The following MICAL2 variants were observed in gnomAD, a reference collection of about 807,000 sequenced individuals.
The protein encoded by MICAL2 is [F-actin]-monooxygenase MICAL2.
In MICAL2, 77 loss-of-function variants were observed where a neutral mutation model predicts 127.3. The observed-to-expected ratio is 0.60, with a 90% CI of 0.50 to 0.73. The LOEUF is 0.73. Ranked by LOEUF, MICAL2 falls within the 30% of genes least tolerant of loss-of-function variation. The pLI is 0.00. For missense variants in MICAL2, 1,351 were observed against 1,434.4 expected, an observed-to-expected ratio of 0.94 and a Z score of 0.94; for synonymous variants, 570 against 551.1, an observed-to-expected ratio of 1.03 and a Z score of -0.48.
chr11:12,186,642 A>C (rs1285411151), intron 3 of MICAL2, among the ~76,000 whole-genome samples: 1 of 152,198 alleles, frequency 6.6e-6, no homozygotes, highest in East Asian at 1.9e-4. Flanking sequence ...CAGTTTACCC[A>C]GCTGCAAAAC....
At position 12,223,450 on chromosome 11, in the gene MICAL2, C is replaced by T; in HGVS notation, c.1489C>T (p.Pro497Ser). 6.2e-7 allele frequency: 1 copy of T among 1,613,998 alleles called. No individual in the cohort carries two copies. Among genetic ancestry groups the T allele is most frequent in the Non-Finnish European group, 8.5e-7 (1 of 1,179,976 alleles). The change falls in exon 12 of 28, where the codon CCT (proline) becomes TCT (serine). Residue 497 changes from proline to serine, a missense_variant. Pro to Ser is a moderately conservative substitution (Grantham distance 74, BLOSUM62 -1). Around this residue, in one of 2 missense-constraint regions of MICAL2, gnomAD observed 599 missense variants for 714.9 expected, o/e 0.84. Coordinates refer to ENST00000683283, the MANE Select transcript of MICAL2 (RefSeq NM_001282663.2). ...TATCACTAAGGAGCTGGAGCACTACCCTCTCGAGAGACTGGGCTCGGTGAG... is the reference window on the plus strand; with the variant it reads ...TATCACTAAGGAGCTGGAGCACTACTCTCTCGAGAGACTGGGCTCGGTGAG... ...LYITKELEHY[P>S]LERLGSVRRS...
At chr11:12,332,046 G>A (rs1167820808) in intron 32 of MICAL2, among the ~76,000 whole-genome samples, 1 of 152,078 alleles carries the variant, frequency 6.6e-6, no homozygotes, top group Non-Finnish European at 1.5e-5. Context: ...AGGACTCATT[G>A]TTATCACTCC....
At chr11:12,255,885 G>A in intron 23 of MICAL2, 135 bp downstream of exon 23, 1 of 652,780 alleles carries the variant, frequency 1.5e-6, no homozygotes, top group East Asian at 2.8e-5. Context: ...GGCTGAGAAT[G>A]AGCTGAATCA....
chr11:12,261,810 T>C, intron 26 of MICAL2: 2 of 985,696 alleles, frequency 2.0e-6, no homozygotes, highest in Non-Finnish European at 2.4e-6. Flanking sequence ...CTCAGTCCGA[T>C]GACTTGCATT....
chr11:12,128,206 T>A (rs1851108125), intron 1 of MICAL2, among the ~76,000 whole-genome samples: 2 of 152,232 alleles, frequency 1.3e-5, no homozygotes, highest in African/African-American at 4.8e-5. Flanking sequence ...AGGTGAATAC[T>A]AGTTAAAAGT....
intron 2 of MICAL2, among the ~76,000 whole-genome samples, chr11:12,145,536 T>C (rs1328016989): frequency 6.6e-6 from 1 of 152,170 alleles, no homozygotes; most frequent in Non-Finnish European, 1.5e-5. Context: ...TGGCCCAATG[T>C]CCTATGCTTG....
At chr11:12,185,105 G>A (rs1403079285) in intron 3 of MICAL2, among the ~76,000 whole-genome samples, 28 of 4,062 alleles carry the variant, frequency 6.9e-3, no homozygotes, top group Non-Finnish European at 0.012. Context: ...GGATGGATAG[G>A]TGGGTGGGTG....
chr11:12,201,718 C>T (rs1353112520), intron 3 of MICAL2, among the ~76,000 whole-genome samples: 1 of 152,208 alleles, frequency 6.6e-6, no homozygotes, highest in Non-Finnish European at 1.5e-5. Flanking sequence ...ATGCAGTGTC[C>T]ATTGAGGACC....
At chr11:12,267,914 A>G (rs981659294), downstream of MICAL2, among the ~76,000 whole-genome samples, 22 of 152,166 alleles carry the variant, frequency 1.4e-4, no homozygotes, top group Non-Finnish European at 4.4e-5. Context: ...TTTAGAATTT[A>G]TGTCTCACTG....
intron 14 of MICAL2, among the ~76,000 whole-genome samples, chr11:12,226,792 A>G (rs1487662880): frequency 2.0e-5 from 3 of 151,422 alleles, no homozygotes; most frequent in Admixed American, 1.3e-4. Flanking sequence ...AGCTGGGACT[A>G]CAGGTGCCTA....
In MICAL2 at chr11:12,163,544, G is replaced by T. The variant is rs573076513; in HGVS notation, c.264+1125G>T. 1.9e-3 allele frequency: 292 copies of T among 152,444 alleles called. 2 individuals carry two copies. Among genetic ancestry groups the T allele is most frequent in the Non-Finnish European group, 2.8e-3 (191 of 68,102 alleles). 9.4% of individuals were successfully genotyped at this position (152,444 alleles called of 1,614,324 possible). A position where few individuals can be genotyped will look rare whatever the true frequency, so the allele number is the denominator to read the frequency against. On this transcript the variant is annotated intron_variant, in intron 3 of 27. Transcript: ENST00000683283. ...ACAGCTGCCAAGCTCCTGTGAGCCTGGGGCACACTGACACTGCGGGACGTA... is the reference window on the plus strand; with the variant it reads ...ACAGCTGCCAAGCTCCTGTGAGCCTTGGGCACACTGACACTGCGGGACGTA...
intron 1 of MICAL2, among the ~76,000 whole-genome samples, chr11:12,278,552 A>C (rs75435581): frequency 0.011 from 1,618 of 152,348 alleles, 21 homozygotes; most frequent in African/African-American, 0.037. Flanking sequence ...CATGACTGTA[A>C]TTCAAAGAAT....
intron 1 of MICAL2, among the ~76,000 whole-genome samples, chr11:12,121,945 T>A (rs1410295724): frequency 6.6e-6 from 1 of 152,236 alleles, no homozygotes; most frequent in East Asian, 1.9e-4. Flanking sequence ...GGCACTGAAA[T>A]GGGCTTGCTT....
intron 13 of MICAL2, among the ~76,000 whole-genome samples, chr11:12,225,089 C>CCATCACCA (rs1479779485): frequency 3.3e-5 from 5 of 149,558 alleles, no homozygotes; most frequent in Admixed American, 3.3e-4. Context: ...CCCCCGAGCC[C>CCATCACCA]CATCACCACA....
chr11:12,323,948 CAT>C, intron 30 of MICAL2: 1 of 1,583,850 alleles, frequency 6.3e-7, no homozygotes, highest in East Asian at 2.2e-5. Context: ...TTTTCTCTGA[CAT>C]AATTTTTTTC....
intron 8 of MICAL2, 159 bp downstream of exon 8, chr11:12,216,478 A>G (rs2306728): frequency 0.87 from 537,785 of 620,192 alleles, 234,410 homozygotes; most frequent in South Asian, 0.9. Context: ...TTACATGAGT[A>G]TTGGATAAAG....
At chr11:12,349,324 T>C (rs974269281) in intron 32 of MICAL2, among the ~76,000 whole-genome samples, 1 of 152,166 alleles carries the variant, frequency 6.6e-6, no homozygotes. Flanking sequence ...TTGGCTTTTC[T>C]TTGTTCAAAA....
chr11:12,352,053 G>C (rs1025301812), intron 33 of MICAL2, among the ~76,000 whole-genome samples: 1 of 152,138 alleles, frequency 6.6e-6, no homozygotes, highest in Non-Finnish European at 1.5e-5. Flanking sequence ...CTCCCAAAGT[G>C]CTGGAATTAC....
At chr11:12,224,561 C>T (rs912216906) in intron 12 of MICAL2, 112 bp from the exon 13 acceptor site, 4 of 1,461,048 alleles carry the variant, frequency 2.7e-6, no homozygotes, top group Non-Finnish European at 3.7e-6. Flanking sequence ...GGCCCCTTGC[C>T]TTGGGGCCGC....
Sources: allele counts gnomAD v4.1 joint callset (sites outside exome capture counted in the v4.1 genomes callset), GRCh38; gene constraint gnomAD v4.1.1; regional missense constraint gnomAD v4.1.1; transcripts MANE v1.5; gene names NCBI Gene and HGNC (gene_info 2026-07-23, HGNC 2026-07-21).